Variants in GPAM observed in about 807,000 individuals in gnomAD.
GPAM encodes glycerol-3-phosphate acyltransferase, mitochondrial.
In GPAM, 56 loss-of-function variants were observed where a neutral mutation model predicts 105.0. The ratio of observed to expected loss-of-function variants is 0.53; its 90% CI spans 0.43 to 0.67. The LOEUF (loss-of-function observed/expected upper bound fraction) is 0.67. Among genes scored for constraint, GPAM ranks in the 30% least tolerant of loss-of-function variants. GPAM has a pLI of 0.00. For synonymous variants in GPAM, 368 were observed against 354.4 expected (o/e 1.04, Z -0.43); for missense variants, 855 against 989.8 (o/e 0.86, Z 1.83).
chr10:112,226,395 G>T, the GPAM span, among the ~76,000 whole-genome samples: 9 of 152,220 alleles, frequency 5.9e-5, no homozygotes, highest in East Asian at 1.9e-4. Context: ...AGGGAAGTGT[G>T]AGCCATTTCC....
rs1300384727 is a variant in GPAM, at chr10:112,151,395, C to T, written c.*2155G>A. On this transcript the variant is annotated 3_prime_UTR_variant, in exon 22 of 22. Coordinates refer to ENST00000348367, the MANE Select transcript of GPAM (RefSeq NM_001244949.2). Reference sequence around the variant, plus strand: ...GTGCTGAAATTAACTCAAAGGTCAGCTTGTCTGGATGAGCATAACTTTGGT... The same window carrying T: ...GTGCTGAAATTAACTCAAAGGTCAGTTTGTCTGGATGAGCATAACTTTGGT... 1.0e-5 allele frequency: 10 copies of T among 985,744 alleles called. No homozygotes were observed. The highest frequency in any genetic ancestry group is 1.2e-5 in the Non-Finnish European group (10 of 829,912). The allele number at this position is 985,744 out of a possible 1,614,324, so 61.1% of individuals were successfully genotyped here. A position where few individuals can be genotyped will look rare whatever the true frequency, so the allele number is the denominator to read the frequency against.
upstream of GPAM, among the ~76,000 whole-genome samples, chr10:112,219,161 C>T (rs960604914): frequency 6.6e-6 from 1 of 152,188 alleles, no homozygotes; most frequent in East Asian, 1.9e-4. Context: ...GTGACAGCAT[C>T]CTCCCAGATT....
intron 18 of GPAM, among the ~76,000 whole-genome samples, chr10:112,158,005 T>C (rs1031795045): frequency 2.0e-5 from 3 of 152,246 alleles, no homozygotes; most frequent in Non-Finnish European, 4.4e-5. Context: ...ACTGACATGA[T>C]CTTGGCTCAC....
intron 9 of GPAM, among the ~76,000 whole-genome samples, chr10:112,171,075 G>C (rs1847305003): frequency 6.6e-6 from 1 of 152,142 alleles, no homozygotes; most frequent in Admixed American, 6.5e-5. Flanking sequence ...CTAAATTCAT[G>C]CTCCTTTTAT....
At chr10:112,173,915 A>G in intron 6 of GPAM, 70 bp from the exon 7 acceptor site, 1 of 1,250,860 alleles carries the variant, frequency 8.0e-7, no homozygotes, top group South Asian at 1.2e-5. Context: ...GTATTTTCTA[A>G]ACTGCAGCTG....
chr10:112,167,130 A>G (rs1028720821), intron 11 of GPAM, among the ~76,000 whole-genome samples: 18 of 152,174 alleles, frequency 1.2e-4, no homozygotes, highest in African/African-American at 4.3e-4. Context: ...GAAGAGTGTC[A>G]TACAGATCAT....
chr10:112,216,378 AAAG>A (rs1589615409), upstream of GPAM, among the ~76,000 whole-genome samples: 1 of 152,182 alleles, frequency 6.6e-6, no homozygotes, highest in East Asian at 1.9e-4. Flanking sequence ...GCAGTTTGTG[AAAG>A]AAGTCCTTAG....
At chr10:112,225,066 T>C in the GPAM span, among the ~76,000 whole-genome samples, 4 of 152,276 alleles carry the variant, frequency 2.6e-5, no homozygotes, top group Admixed American at 1.3e-4. Context: ...GGTGATCCCA[T>C]GTGCCAGCCT....
intron 1 of GPAM, among the ~76,000 whole-genome samples, chr10:112,208,992 C>G (rs76759472): frequency 2.6e-5 from 4 of 152,070 alleles, no homozygotes; most frequent in Non-Finnish European, 1.5e-5. Context: ...GATTTGAGAC[C>G]CAGCTGGAAT....
intron 14 of GPAM, among the ~76,000 whole-genome samples, chr10:112,162,999 G>A (rs556191744): frequency 6.6e-6 from 1 of 152,126 alleles, no homozygotes; most frequent in Non-Finnish European, 1.5e-5. Context: ...CAGGGGGTGC[G>A]GAGAGTATCA....
chr10:112,175,741 T>A, intron 5 of GPAM, 28 bp from the exon 6 acceptor site: 1 of 1,362,106 alleles, frequency 7.3e-7, no homozygotes, highest in East Asian at 2.3e-5. Flanking sequence ...CAGAGAAGTA[T>A]TAGAGGTACC....
chr10:112,209,959 A>G (rs1847893027), intron 1 of GPAM, among the ~76,000 whole-genome samples: 1 of 152,180 alleles, frequency 6.6e-6, no homozygotes, highest in Non-Finnish European at 1.5e-5. Context: ...AAGCAAGTGC[A>G]CCCAGGCAAG....
intron 20 of GPAM, 88 bp downstream of exon 20, chr10:112,155,776 C>T (rs1847006125): frequency 2.5e-6 from 2 of 788,712 alleles, no homozygotes; most frequent in African/African-American, 1.8e-5. Context: ...GATAAGTTTG[C>T]ATTTTTCCAA....
intron 6 of GPAM, among the ~76,000 whole-genome samples, chr10:112,174,509 T>C (rs1847369298): frequency 1.3e-5 from 2 of 152,216 alleles, no homozygotes; most frequent in South Asian, 2.1e-4. Flanking sequence ...TTAAACCACT[T>C]CTAACATCCC....
At chr10:112,190,260 A>T (rs1847640392) in intron 1 of GPAM, among the ~76,000 whole-genome samples, 1 of 152,122 alleles carries the variant, frequency 6.6e-6, no homozygotes, top group Non-Finnish European at 1.5e-5. Flanking sequence ...GTGACCTTAG[A>T]TTCTGCCTTT....
chr10:112,161,756 G>A lies in GPAM; in HGVS notation c.1424-19C>T. 6.2e-7 allele frequency: 1 copy of A among 1,608,720 alleles called. No individual in the cohort carries two copies. ...CTAGCAGCTGGAAGGCAAACACAAA[G>A]CTTTTTTTAGTTGCACTTTTTACAA... On this transcript the variant is annotated intron_variant, in intron 14 of 21. Transcript: ENST00000348367.
rs772778102 is a variant in GPAM, at chr10:112,151,835, C to A, written c.*1715G>T. On this transcript the variant is annotated 3_prime_UTR_variant, in exon 22 of 22. Transcript: ENST00000348367. ...TCCAAATGTAGCCAAGAAAAGTGTT[C>A]TTCTACCCTAGTCAGTAAAATGGAA... The A allele has an allele frequency of 1.4e-4, 135 of 985,084 alleles. No individual in the cohort carries two copies. The highest frequency in any genetic ancestry group is 6.9e-5 in the Non-Finnish European group (57 of 829,726). 61.0% of individuals were successfully genotyped at this position (985,084 alleles called of 1,614,324 possible).
intron 1 of GPAM, among the ~76,000 whole-genome samples, chr10:112,198,030 A>C (rs1847746613): frequency 6.6e-6 from 1 of 152,222 alleles, no homozygotes; most frequent in Non-Finnish European, 1.5e-5. Flanking sequence ...GGAATGTTTA[A>C]AGTAAACTCA....
intron 19 of GPAM, 164 bp downstream of exon 19, chr10:112,157,085 A>G: frequency 1.4e-6 from 1 of 705,516 alleles, no homozygotes; most frequent in Admixed American, 2.2e-5. Context: ...AAATGCTATT[A>G]ATTCAACTCA....
Sources: allele counts gnomAD v4.1 joint callset (sites outside exome capture counted in the v4.1 genomes callset), GRCh38; gene constraint gnomAD v4.1.1; transcripts MANE v1.5; gene names NCBI Gene and HGNC (gene_info 2026-07-23, HGNC 2026-07-21).